CORO1C: variants seen among roughly 807,000 people sequenced by gnomAD.
The protein encoded by CORO1C is coronin 1C.
CORO1C carries 14 observed loss-of-function variants against 51.2 expected under a neutral mutation model. That is an observed-to-expected ratio of 0.27 (90% CI 0.18 to 0.43). The LOEUF (loss-of-function observed/expected upper bound fraction) is 0.43. Among genes scored for constraint, CORO1C ranks in the 20% least tolerant of loss-of-function variants. The pLI is 1.00. For missense variants in CORO1C, 417 were observed against 607.8 expected, an observed-to-expected ratio of 0.69 and a Z score of 3.30; for synonymous variants, 181 against 210.5, an observed-to-expected ratio of 0.86 and a Z score of 1.21.
chr12:108,692,957 C>G (rs1434900631), intron 2 of CORO1C, among the ~76,000 whole-genome samples: 1 of 151,996 alleles, frequency 6.6e-6, no homozygotes, highest in East Asian at 1.9e-4. Context: ...GCCACCATGC[C>G]CAGCTAATTT....
chr12:108,682,007 G>A (rs534130182), intron 2 of CORO1C, among the ~76,000 whole-genome samples: 3 of 143,948 alleles, frequency 2.1e-5, no homozygotes, highest in Admixed American at 6.9e-5. Flanking sequence ...CAAATGCAGA[G>A]TAAATACTAA....
At chr12:108,707,664 G>A (rs2035064091) in intron 1 of CORO1C, among the ~76,000 whole-genome samples, 1 of 152,152 alleles carries the variant, frequency 6.6e-6, no homozygotes, top group Admixed American at 6.5e-5. Context: ...TAAACTTTAT[G>A]CCTCAAAGGA....
intron 3 of CORO1C, among the ~76,000 whole-genome samples, chr12:108,667,802 T>C (rs1322956926): frequency 4.6e-5 from 7 of 152,192 alleles, no homozygotes. Context: ...TTTAAGCACA[T>C]GTTCAGAACT....
intron 1 of CORO1C, among the ~76,000 whole-genome samples, chr12:108,725,369 C>G (rs1350957745): frequency 6.6e-6 from 1 of 152,224 alleles, no homozygotes; most frequent in East Asian, 1.9e-4. Context: ...AGAGAGGGAA[C>G]AGGAATGTAT....
intron 1 of CORO1C, among the ~76,000 whole-genome samples, chr12:108,722,548 T>G (rs1419993803): frequency 6.6e-6 from 1 of 152,124 alleles, no homozygotes; most frequent in African/African-American, 2.4e-5. Flanking sequence ...CATAAACAAT[T>G]TCAAAAACTG....
At chr12:108,689,292 C>G (rs181563624) in intron 2 of CORO1C, among the ~76,000 whole-genome samples, 40 of 152,304 alleles carry the variant, frequency 2.6e-4, no homozygotes, top group Admixed American at 6.5e-4. Flanking sequence ...CAACGCTTTA[C>G]CCAGCAGGCC....
chr12:108,654,369 A>G lies in CORO1C; in HGVS notation c.792T>C (p.Thr264=), dbSNP rs2032831780. 4 of 1,613,244 alleles carry G rather than the reference A, an allele frequency of 2.5e-6. No homozygotes were observed. The highest frequency in any genetic ancestry group is 3.4e-6 in the Non-Finnish European group (4 of 1,179,224). The stretch of plus-strand genomic sequence containing the variant: ...AGAAAGGCAGCAACACCCCATTGCT[A>G]GTGTCCATCTCATGAAGAGCAATTG... The part of the protein sequence containing the change: ...QEPIALHEMD[T]SNGVLLPFYD... The change falls in exon 7 of 11, where the codon ACT becomes ACC. Residue 264 remains threonine, a synonymous_variant. Coordinates refer to ENST00000261401, the MANE Select transcript of CORO1C (RefSeq NM_014325.4).
intron 1 of CORO1C, chr12:108,703,071 C>A: frequency 1.0e-6 from 1 of 955,934 alleles, no homozygotes. Context: ...TGGTGAAAAG[C>A]AAAAGGAAAG....
intron 3 of CORO1C, among the ~76,000 whole-genome samples, chr12:108,677,646 G>A (rs1409357632): frequency 6.6e-6 from 1 of 152,172 alleles, no homozygotes; most frequent in Non-Finnish European, 1.5e-5. Context: ...AATTCATGTG[G>A]TCAAATGGCA....
intron 1 of CORO1C, among the ~76,000 whole-genome samples, chr12:108,713,587 G>A (rs765584697): frequency 5.3e-5 from 8 of 152,260 alleles, no homozygotes; most frequent in African/African-American, 1.4e-4. Flanking sequence ...CTCCAGGCTC[G>A]GGCCTCACAG....
At chr12:108,667,073 T>C (rs1204912984) in intron 3 of CORO1C, among the ~76,000 whole-genome samples, 2 of 149,824 alleles carry the variant, frequency 1.3e-5, no homozygotes, top group Admixed American at 6.6e-5. Flanking sequence ...GAATAGCGCG[T>C]GGCAAAAAAA....
At position 108,646,118 on chromosome 12, in the gene CORO1C, A is replaced by C. The variant is rs948139673; in HGVS notation, c.*1285T>G. On this transcript the variant is annotated 3_prime_UTR_variant, in exon 11 of 11. Coordinates refer to ENST00000261401, the MANE Select transcript of CORO1C (RefSeq NM_014325.4). ...TGCTCCTGTTTCTGCTTCACTCTCT[A>C]TCATTCTCCTCAGTCTCAATACTCA... 1 of 152,148 alleles carries C rather than the reference A, an allele frequency of 6.6e-6. No homozygotes were observed. The highest frequency in any genetic ancestry group is 1.5e-5 in the Non-Finnish European group (1 of 68,052). 9.4% of individuals were successfully genotyped at this position (152,148 alleles called of 1,614,324 possible). A position where few individuals can be genotyped will look rare whatever the true frequency, so the allele number is the denominator to read the frequency against.
At chr12:108,689,554 C>T (rs914890182) in intron 2 of CORO1C, among the ~76,000 whole-genome samples, 3 of 152,220 alleles carry the variant, frequency 2.0e-5, no homozygotes, top group Admixed American at 1.3e-4. Context: ...GCAGCTGTCT[C>T]ACTTCCAGTA....
At chr12:108,655,625 G>T (rs774294282) in intron 6 of CORO1C, among the ~76,000 whole-genome samples, 3 of 152,238 alleles carry the variant, frequency 2.0e-5, no homozygotes. Flanking sequence ...CGAGTAATCC[G>T]CCAGCCTCGG....
At chr12:108,662,759 A>G (rs1268969436) in intron 3 of CORO1C, among the ~76,000 whole-genome samples, 1 of 152,206 alleles carries the variant, frequency 6.6e-6, no homozygotes. Flanking sequence ...CACTTGGAAA[A>G]CAAAAATACA....
intron 1 of CORO1C, among the ~76,000 whole-genome samples, chr12:108,721,239 T>C (rs1037553311): frequency 3.3e-5 from 5 of 152,266 alleles, no homozygotes; most frequent in African/African-American, 1.2e-4. Flanking sequence ...ACATATTGTA[T>C]AAATGCATAA....
chr12:108,653,807 C>T (rs545368297), intron 7 of CORO1C, among the ~76,000 whole-genome samples: 46 of 152,264 alleles, frequency 3.0e-4, no homozygotes, highest in Admixed American at 1.3e-3. Context: ...CTCTGAGGCC[C>T]TCAAAAGTTT....
intron 10 of CORO1C, 50 bp downstream of exon 10, chr12:108,648,555 A>T: frequency 1.2e-6 from 2 of 1,608,364 alleles, no homozygotes; most frequent in Non-Finnish European, 1.7e-6. Context: ...GGCTTTCTAG[A>T]GGATAAAGCC....
At chr12:108,683,305 G>A (rs566787344) in intron 2 of CORO1C, among the ~76,000 whole-genome samples, 1 of 151,984 alleles carries the variant, frequency 6.6e-6, no homozygotes, top group South Asian at 2.1e-4. Context: ...TGTAATTCCA[G>A]CTACTCAGGA....
Sources: allele counts gnomAD v4.1 joint callset (sites outside exome capture counted in the v4.1 genomes callset), GRCh38; gene constraint gnomAD v4.1.1; transcripts MANE v1.5; gene names NCBI Gene and HGNC (gene_info 2026-07-23, HGNC 2026-07-21).